NEGR1: variants seen among roughly 807,000 people sequenced by gnomAD.
NEGR1 encodes the protein IgLON family member 4.
A neutral mutation model predicts 40.9 loss-of-function variants in NEGR1; 10 were observed. That is an observed-to-expected ratio of 0.24 (90% CI 0.15 to 0.42). The LOEUF is 0.42. NEGR1 is among the 10% of genes least tolerant of loss of function. NEGR1 has a pLI of 1.00. For missense variants in NEGR1, 352 were observed against 438.9 expected (o/e 0.80, Z 1.77); for synonymous variants, 185 against 166.8 (o/e 1.11, Z -0.84).
At chr1:72,043,564 T>C (rs970010396) in intron 1 of NEGR1, among the ~76,000 whole-genome samples, 1 of 151,852 alleles carries the variant, frequency 6.6e-6, no homozygotes, top group Non-Finnish European at 1.5e-5. Context: ...TAAAATCACA[T>C]TGGATTAAAA....
At chr1:72,244,722 T>C (rs538726302) in intron 1 of NEGR1, among the ~76,000 whole-genome samples, 2 of 152,098 alleles carry the variant, frequency 1.3e-5, no homozygotes, top group East Asian at 1.9e-4. Context: ...GGTCACATAT[T>C]TGTCAATCAA....
intron 1 of NEGR1, among the ~76,000 whole-genome samples, chr1:71,940,477 C>T (rs1310310213): frequency 2.0e-5 from 3 of 152,166 alleles, no homozygotes; most frequent in African/African-American, 7.2e-5. Context: ...TTCCAAACAT[C>T]TGGCTATTGG....
At chr1:71,585,541 C>T (rs185079648) in intron 6 of NEGR1, among the ~76,000 whole-genome samples, 2 of 152,212 alleles carry the variant, frequency 1.3e-5, no homozygotes, top group East Asian at 3.9e-4. Context: ...AATACCAAAG[C>T]TTCCTTTCCC....
At chr1:71,689,940 G>C (rs1471043000) in intron 4 of NEGR1, among the ~76,000 whole-genome samples, 2 of 151,850 alleles carry the variant, frequency 1.3e-5, no homozygotes. Flanking sequence ...CAGATAGAGA[G>C]AATAGATAAA....
At chr1:71,583,041 T>C (rs1490525206) in intron 6 of NEGR1, among the ~76,000 whole-genome samples, 1 of 152,154 alleles carries the variant, frequency 6.6e-6, no homozygotes, top group Admixed American at 6.5e-5. Flanking sequence ...AGCATCTATC[T>C]GTCTCTTTTG....
intron 4 of NEGR1, among the ~76,000 whole-genome samples, chr1:71,691,825 T>C (rs1005118576): frequency 6.6e-6 from 1 of 151,596 alleles, no homozygotes; most frequent in Admixed American, 6.6e-5. Flanking sequence ...ATAACTCTTA[T>C]GAAGCTAAGC....
intron 3 of NEGR1, among the ~76,000 whole-genome samples, chr1:71,703,758 G>A (rs760792440): frequency 6.6e-6 from 1 of 151,340 alleles, no homozygotes; most frequent in Non-Finnish European, 1.5e-5. Context: ...AGCAGAGAGA[G>A]AAAAATACAA....
At chr1:71,838,208 A>T (rs1323455498) in intron 2 of NEGR1, among the ~76,000 whole-genome samples, 1 of 152,164 alleles carries the variant, frequency 6.6e-6, no homozygotes, top group East Asian at 1.9e-4. Flanking sequence ...TTTCAAGAAA[A>T]TAAAATTGGA....
chr1:71,717,145 GTGAAACC>G (rs1654305648), intron 3 of NEGR1, among the ~76,000 whole-genome samples: 1 of 152,190 alleles, frequency 6.6e-6, no homozygotes, highest in East Asian at 1.9e-4. Flanking sequence ...TCTGCGCCAT[GTGAAACC>G]CCTATTATGT....
intron 4 of NEGR1, among the ~76,000 whole-genome samples, chr1:71,669,936 C>T (rs908843210): frequency 3.3e-5 from 5 of 152,144 alleles, no homozygotes; most frequent in South Asian, 2.1e-4. Flanking sequence ...CGTGAGCCAC[C>T]GCACCTGGCC....
At chr1:72,026,111 A>T (rs1646806395) in intron 1 of NEGR1, among the ~76,000 whole-genome samples, 1 of 43,500 alleles carries the variant, frequency 2.3e-5, no homozygotes, top group South Asian at 1.0e-3. Flanking sequence ...ACTCCGTCTC[A>T]AAAAAAAAAA....
chr1:72,277,526 A>G (rs2100567517), intron 1 of NEGR1, among the ~76,000 whole-genome samples: 1 of 144,900 alleles, frequency 6.9e-6, no homozygotes, highest in East Asian at 1.9e-4. Context: ...AAAACATTAT[A>G]CTTTTATTAA....
At chr1:71,512,077 T>C (rs1647077189) in intron 6 of NEGR1, among the ~76,000 whole-genome samples, 1 of 152,216 alleles carries the variant, frequency 6.6e-6, no homozygotes, top group South Asian at 2.1e-4. Flanking sequence ...TCTTGTTTAA[T>C]TAAAGTACTA....
intron 4 of NEGR1, among the ~76,000 whole-genome samples, chr1:71,622,763 G>GAT (rs2101554857): frequency 6.6e-6 from 1 of 151,896 alleles, no homozygotes; most frequent in South Asian, 2.1e-4. Flanking sequence ...AATAGATGAG[G>GAT]ATAGCATTGG....
At chr1:72,209,719 T>C (rs1040984715) in intron 1 of NEGR1, among the ~76,000 whole-genome samples, 1 of 151,874 alleles carries the variant, frequency 6.6e-6, no homozygotes, top group Admixed American at 6.6e-5. Context: ...AAAGTAAATA[T>C]TGAATTCATA....
At chr1:71,415,930 G>A (rs1352415618) in intron 6 of NEGR1, among the ~76,000 whole-genome samples, 2 of 152,136 alleles carry the variant, frequency 1.3e-5, no homozygotes, top group Non-Finnish European at 1.5e-5. Flanking sequence ...GTGGGTGTGT[G>A]TATGTGTGTT....
intron 2 of NEGR1, among the ~76,000 whole-genome samples, chr1:71,809,095 C>T (rs187772457): frequency 9.9e-5 from 15 of 152,056 alleles, no homozygotes; most frequent in East Asian, 5.8e-4. Context: ...AAAAGCAGCA[C>T]GGGGGGGCAC....
chr1:71,881,641 G>A lies in NEGR1; in HGVS notation c.409+53438C>T, dbSNP rs1362370391. On this transcript the variant is annotated intron_variant, in intron 2 of 6. Coordinates refer to ENST00000357731, the MANE Select transcript of NEGR1 (RefSeq NM_173808.3). ...TTGATTATTGACTGTTAAATTTGAA[G>A]AAAAAAGTCTTAACTATGAAAATGT... Among the ~76,000 whole-genome samples the A allele has an allele frequency of 4.6e-5, 7 of 152,108 alleles. No homozygotes were observed. The East Asian group carries it at 1.4e-3, about 29-fold the overall frequency.
At chr1:71,719,472 G>C (rs1177889360) in intron 3 of NEGR1, among the ~76,000 whole-genome samples, 1 of 151,976 alleles carries the variant, frequency 6.6e-6, no homozygotes, top group African/African-American at 2.4e-5. Context: ...ATTCTTGGTG[G>C]ATCTAGAATT....
Sources: gnomAD v4.1 joint callset for allele counts (sites outside exome capture counted in the v4.1 genomes callset) on GRCh38, gnomAD v4.1.1 for gene constraint, MANE v1.5 for transcripts, NCBI Gene and HGNC (gene_info 2026-07-23, HGNC 2026-07-21) for gene names.